UBA2: variants seen among roughly 807,000 people sequenced by gnomAD.
UBA2 encodes the protein SUMO-activating enzyme subunit 2.
Under a neutral mutation model 77.2 loss-of-function variants are expected in UBA2, and 11 were observed. The observed-to-expected ratio is 0.14, with a 90% confidence interval of 0.09 to 0.24. The LOEUF (loss-of-function observed/expected upper bound fraction) is 0.24. Among genes scored for constraint, UBA2 ranks in the 10% least tolerant of loss-of-function variants. The pLI is 1.00. For synonymous variants in UBA2, 278 were observed against 276.7 expected (o/e 1.00, Z -0.05); for missense variants, 487 against 781.7 (o/e 0.62, Z 4.50).
At chr19:34,431,980 C>G in intron 3 of UBA2, 49 bp downstream of exon 3, 3 of 926,508 alleles carry the variant, frequency 3.2e-6, no homozygotes, top group Non-Finnish European at 4.9e-6. Flanking sequence ...TTTTGTAAGC[C>G]AAATATATAA....
rs745389280 is a variant in UBA2, at chr19:34,460,540, T to C, written c.1472T>C (p.Ile491Thr). The change falls in exon 14 of 17, where the codon ATA becomes ACA. Residue 491 changes from isoleucine to threonine, a missense_variant. Coordinates refer to ENST00000246548, the MANE Select transcript of UBA2 (RefSeq NM_005499.3). ...GAAGATGGGAAAGGAACAATCCTAA[T>C]ATCTTCCGAAGAGGGAGAGACGGAA... The part of the protein sequence containing the change: ...QIEDGKGTIL[I>T]SSEEGETEAN... 4 of 1,611,626 alleles carry C rather than the reference T, an allele frequency of 2.5e-6. No individual in the cohort carries two copies. The highest frequency in any genetic ancestry group is 1.7e-4 in the Middle Eastern group (1 of 6,038).
At position 34,444,033 on chromosome 19, in the gene UBA2, G is replaced by GT. The variant is rs374959938; in HGVS notation, c.649+132dup. 217 of 202,958 alleles carry GT rather than the reference G, an allele frequency of 1.1e-3. 3 individuals are homozygous for GT. Among genetic ancestry groups the GT allele is most frequent in the African/African-American group, 3.2e-3 (96 of 30,194 alleles). The allele number at this position is 202,958 out of a possible 1,614,324, so 12.6% of individuals were successfully genotyped here. A position where few individuals can be genotyped will look rare whatever the true frequency, so the allele number is the denominator to read the frequency against. On this transcript the variant is annotated intron_variant, in intron 7 of 16. Transcript: ENST00000246548. ...GCTAGGTAATGTGTGTTTAACATGT[G>GT]TTTTTTTTTTGTTTTTTTTTTTTTT...
At chr19:34,455,467 A>C (rs2075547825) in intron 12 of UBA2, among the ~76,000 whole-genome samples, 1 of 152,114 alleles carries the variant, frequency 6.6e-6, no homozygotes, top group East Asian at 1.9e-4. Flanking sequence ...GTCTGCAGAC[A>C]CTTCGCTTTC....
chr19:34,459,927 TA>T (rs897646574), intron 13 of UBA2, among the ~76,000 whole-genome samples: 1 of 152,236 alleles, frequency 6.6e-6, no homozygotes, highest in African/African-American at 2.4e-5. Flanking sequence ...TTATCTTTGG[TA>T]TCTCCTGATT....
Position 34,464,117 on chromosome 19 carries a change from C to T in UBA2, c.1590C>T (p.Ile530=). The change falls in exon 15 of 17, where the codon ATC becomes ATT. Residue 530 remains isoleucine, a synonymous_variant. Transcript: ENST00000246548. ...TCCTCCAGGACTATACTTTATTGAT[C>T]AACATCCTTCATAGGTAAGAGCTAT... ...DDFLQDYTLL[I]NILHSEDLGK... The T allele has an allele frequency of 6.2e-7, 1 of 1,604,404 alleles. No individual in the cohort carries two copies.
chr19:34,445,090 C>T lies in UBA2; in HGVS notation c.740C>T (p.Thr247Ile). ...TCTACTAAGGAATGGGCTAAATCAACTGGATATGATCCAGTTAAACTTTTT... is the reference window on the plus strand; with the variant it reads ...TCTACTAAGGAATGGGCTAAATCAATTGGATATGATCCAGTTAAACTTTTT... ...RISTKEWAKS[T>I]GYDPVKLFTK... The change falls in exon 8 of 17, where the codon ACT becomes ATT. Residue 247 changes from threonine to isoleucine, a missense_variant. By Grantham distance (89) the Thr-to-Ile change is moderately conservative. This residue lies in a region of UBA2 where 300 missense variants were observed against 454.3 expected (regional missense o/e 0.66). Coordinates refer to ENST00000246548, the MANE Select transcript of UBA2 (RefSeq NM_005499.3). The T allele has an allele frequency of 1.2e-6, 2 of 1,613,410 alleles. No homozygotes were observed. Among genetic ancestry groups the T allele is most frequent in the Non-Finnish European group, 1.7e-6 (2 of 1,179,756 alleles).
At chr19:34,461,879 G>A (rs541224403) in intron 14 of UBA2, among the ~76,000 whole-genome samples, 35 of 152,170 alleles carry the variant, frequency 2.3e-4, no homozygotes, top group Non-Finnish European at 4.6e-4. Context: ...AAACGGAGGG[G>A]GAGTAATAGG....
intron 1 of UBA2, chr19:34,428,796 GAGGCCGCGGGCCCCCGCCTCCCCGGCAGC>G: frequency 8.7e-7 from 1 of 1,154,782 alleles, no homozygotes; most frequent in East Asian, 3.6e-5. Flanking sequence ...GGACGCCGAG[GAGGCCGCGGGCCCCCGCCTCCCCGGCAGC>G]GCCAATGTGT....
intron 4 of UBA2, 43 bp downstream of exon 4, chr19:34,433,455 C>A: frequency 8.0e-7 from 1 of 1,252,668 alleles, no homozygotes; most frequent in East Asian, 2.3e-5. Context: ...TATTTCCTCT[C>A]TCCCATATCA....
At chr19:34,465,003 A>C (rs1407987291) in intron 15 of UBA2, among the ~76,000 whole-genome samples, 1 of 152,054 alleles carries the variant, frequency 6.6e-6, no homozygotes, top group African/African-American at 2.4e-5. Flanking sequence ...GCGTCATTGC[A>C]CTCCAGGCTG....
intron 12 of UBA2, among the ~76,000 whole-genome samples, chr19:34,456,100 C>CTTTTCTTTTTTTTTT (rs2075557152): frequency 3.6e-5 from 2 of 55,782 alleles, no homozygotes; most frequent in Non-Finnish European, 3.2e-5. Flanking sequence ...TTTTCCTTTT[C>CTTTTCTTTTTTTTTT]TTTTTCTTTT....
intron 14 of UBA2, among the ~76,000 whole-genome samples, chr19:34,460,849 T>TA (rs1251097251): frequency 6.6e-6 from 1 of 152,202 alleles, no homozygotes; most frequent in Admixed American, 6.5e-5. Context: ...ATGAGAAGAC[T>TA]ATTCTGTCTG....
intron 8 of UBA2, among the ~76,000 whole-genome samples, chr19:34,446,966 C>T (rs2075438797): frequency 6.6e-6 from 1 of 152,102 alleles, no homozygotes; most frequent in Admixed American, 6.6e-5. Context: ...TTTTCTAAAA[C>T]ATGGTTGTAT....
At chr19:34,437,619 A>G (rs983937410) in intron 5 of UBA2, among the ~76,000 whole-genome samples, 2 of 152,148 alleles carry the variant, frequency 1.3e-5, no homozygotes, top group African/African-American at 2.4e-5. Flanking sequence ...AGACAAAAAG[A>G]AAAAAAGAAG....
chr19:34,428,489 G>A lies in UBA2; in HGVS notation c.57G>A (p.Arg19=). The stretch of plus-strand genomic sequence containing the variant: ...TGGCTGAGGCGGTGGCCGGGGGCCG[G>A]GTGCTGGTGGTGGGGGCGGGCGGCA... ...RELAEAVAGG[R]VLVVGAGGIG... is the part of the protein sequence containing the mutation. The change falls in exon 1 of 17, where the codon CGG becomes CGA. Residue 19 remains arginine (R), a synonymous_variant. Coordinates refer to ENST00000246548, the MANE Select transcript of UBA2 (RefSeq NM_005499.3). The A allele has an allele frequency of 4.6e-6, 6 of 1,298,206 alleles. No individual in the cohort carries two copies. The highest frequency in any genetic ancestry group is 5.9e-6 in the Non-Finnish European group (6 of 1,016,764). The allele number at this position is 1,298,206 out of a possible 1,614,324, so 80.4% of individuals were successfully genotyped here. A position where few individuals can be genotyped will look rare whatever the true frequency, so the allele number is the denominator to read the frequency against.
At chr19:34,436,370 G>A (rs1223551984) in intron 5 of UBA2, among the ~76,000 whole-genome samples, 1 of 151,990 alleles carries the variant, frequency 6.6e-6, no homozygotes, top group Non-Finnish European at 1.5e-5. Flanking sequence ...CGCGATCTCA[G>A]CTCGCCGCAA....
chr19:34,467,112 A>G, intron 16 of UBA2, 98 bp downstream of exon 16: 3 of 1,392,940 alleles, frequency 2.2e-6, no homozygotes, highest in Non-Finnish European at 3.0e-6. Context: ...CCATAAAACT[A>G]CTAGAGGTGT....
chr19:34,428,671 C>A, intron 1 of UBA2, 101 bp downstream of exon 1: 1 of 1,219,060 alleles, frequency 8.2e-7, no homozygotes, highest in Non-Finnish European at 1.0e-6. Context: ...GGGCCCGGAG[C>A]CCGGGACCGG....
intron 10 of UBA2, 67 bp downstream of exon 10, chr19:34,452,214 T>C: frequency 8.0e-7 from 1 of 1,246,042 alleles, no homozygotes; most frequent in Non-Finnish European, 1.1e-6. Context: ...TGAGATGTAA[T>C]AGAAGCTAGT....
Sources: gnomAD v4.1 joint callset for allele counts (sites outside exome capture counted in the v4.1 genomes callset) on GRCh38, gnomAD v4.1.1 for gene constraint, gnomAD v4.1.1 regional missense constraint, MANE v1.5 for transcripts, NCBI Gene and HGNC (gene_info 2026-07-23, HGNC 2026-07-21) for gene names.